Variants in RBFOX1 observed in about 807,000 individuals in gnomAD.
The protein encoded by RBFOX1 is RNA binding protein fox-1 homolog 1.
In RBFOX1, 8 loss-of-function variants were observed where a neutral mutation model predicts 57.7. The ratio of observed to expected loss-of-function variants is 0.14; its 90% CI spans 0.08 to 0.25. The LOEUF is 0.25. RBFOX1 is among the 10% of genes least tolerant of loss of function. The pLI, the probability that RBFOX1 is intolerant of heterozygous loss-of-function variation, is 1.00. For missense variants in RBFOX1, 611 were observed against 548.5 expected (o/e 1.11, Z -1.14); for synonymous variants, 326 against 222.4 (o/e 1.47, Z -4.15).
chr16:5,650,674 C>T (rs996539526), intron 3 of RBFOX1, among the ~76,000 whole-genome samples: 1 of 152,086 alleles, frequency 6.6e-6, no homozygotes, highest in Non-Finnish European at 1.5e-5. Context: ...CTTCATTTAA[C>T]AGGGGTTACC....
intron 3 of RBFOX1, among the ~76,000 whole-genome samples, chr16:6,957,534 C>T (rs1271463294): frequency 1.3e-5 from 2 of 152,060 alleles, no homozygotes; most frequent in Non-Finnish European, 2.9e-5. Flanking sequence ...GGGAGTGTAG[C>T]AGTGGGGACG....
At chr16:7,298,182 T>C (rs534915587) in intron 4 of RBFOX1, among the ~76,000 whole-genome samples, 15 of 152,228 alleles carry the variant, frequency 9.9e-5, no homozygotes, top group Non-Finnish European at 2.1e-4. Context: ...ATTTATCCCC[T>C]GTTTCCCCTA....
intron 3 of RBFOX1, among the ~76,000 whole-genome samples, chr16:6,962,665 G>C (rs1014895993): frequency 1.3e-5 from 2 of 152,082 alleles, no homozygotes; most frequent in African/African-American, 4.8e-5. Flanking sequence ...AGGAGTTCAA[G>C]ACCAGCCTGA....
chr16:5,244,364 A>C (rs1396925046), intron 1 of RBFOX1, among the ~76,000 whole-genome samples: 1 of 152,152 alleles, frequency 6.6e-6, no homozygotes, highest in Non-Finnish European at 1.5e-5. Context: ...GGCTTTCTGC[A>C]CAAGACTTGC....
chr16:6,479,039 A>G (rs1048077525), intron 2 of RBFOX1, among the ~76,000 whole-genome samples: 1 of 152,214 alleles, frequency 6.6e-6, no homozygotes, highest in African/African-American at 2.4e-5. Flanking sequence ...ACAAAATGCA[A>G]TATCTGCAAA....
At chr16:6,661,322 G>C (rs933494840) in intron 3 of RBFOX1, among the ~76,000 whole-genome samples, 15 of 152,190 alleles carry the variant, frequency 9.9e-5, no homozygotes, top group African/African-American at 3.6e-4. Flanking sequence ...GGCCCTCCTG[G>C]CAGAGGGAAC....
chr16:6,409,706 T>G lies in RBFOX1; in HGVS notation c.-64+92649T>G, dbSNP rs563408523. Among the ~76,000 whole-genome samples, 10 of 152,254 alleles carry G rather than the reference T, an allele frequency of 6.6e-5. 1 individual carries two copies. The highest frequency in any genetic ancestry group is 2.2e-4 in the African/African-American group (9 of 41,540). On this transcript the variant is annotated intron_variant, in intron 2 of 15. Transcript: ENST00000550418. ...AGGGGAAAAAGGTTTCGGCTAAAATTTATCCAGCTGCAAACCACTGTCTTA... is the reference window on the plus strand; with the variant it reads ...AGGGGAAAAAGGTTTCGGCTAAAATGTATCCAGCTGCAAACCACTGTCTTA...
chr16:6,178,177 CTTTTTTTTTTTTTTT>C (rs34382826), intron 1 of RBFOX1, among the ~76,000 whole-genome samples: 1 of 69,616 alleles, frequency 1.4e-5, no homozygotes, highest in Admixed American at 2.2e-4. Flanking sequence ...AAAGGTCACT[CTTTTTTTTTTTTTTT>C]TTTTTTTTTT....
In RBFOX1 at chr16:5,599,308, C is replaced by T. The variant is rs536135221; in HGVS notation, c.*59C>T. ...GTGACGGCCCCAGGTTGTGGGAGCA[C>T]GTGAAAGAAGTCGAATGTCATTGGG... On this transcript the variant is annotated 3_prime_UTR_variant, in exon 3 of 3. Transcript: ENST00000585867. The T allele has an allele frequency of 7.4e-5, 46 of 622,790 alleles. 1 individual carries two copies. The highest frequency in any genetic ancestry group is 5.2e-4 in the African/African-American group (28 of 54,276). The allele number at this position is 622,790 out of a possible 1,614,324, so 38.6% of individuals were successfully genotyped here.
At chr16:7,075,480 T>A (rs984343035) in intron 4 of RBFOX1, among the ~76,000 whole-genome samples, 1 of 152,196 alleles carries the variant, frequency 6.6e-6, no homozygotes, top group African/African-American at 2.4e-5. Flanking sequence ...TACAGAAATA[T>A]CTAGATTTTT....
intron 1 of RBFOX1, among the ~76,000 whole-genome samples, chr16:6,277,767 C>T (rs773129609): frequency 2.6e-5 from 4 of 151,638 alleles, no homozygotes; most frequent in African/African-American, 7.3e-5. Context: ...ATTTAATGTG[C>T]GGTACAGAGA....
intron 1 of RBFOX1, among the ~76,000 whole-genome samples, chr16:6,028,509 T>A (rs1443077512): frequency 9.6e-6 from 1 of 104,520 alleles, no homozygotes; most frequent in Admixed American, 1.2e-4. Flanking sequence ...CTGTCTCTGT[T>A]AAAAAAAAAA....
At chr16:5,568,726 C>T (rs1306143510) in intron 2 of RBFOX1, among the ~76,000 whole-genome samples, 2 of 152,166 alleles carry the variant, frequency 1.3e-5, no homozygotes, top group African/African-American at 2.4e-5. Flanking sequence ...AGATTTGCCC[C>T]ACGATGGTCT....
At chr16:6,445,881 A>G (rs767619446) in intron 2 of RBFOX1, among the ~76,000 whole-genome samples, 1 of 152,074 alleles carries the variant, frequency 6.6e-6, no homozygotes, top group Admixed American at 6.6e-5. Flanking sequence ...GCGCCCGGCC[A>G]TCTCTGAACT....
chr16:6,094,162 C>G (rs1182524279), intron 1 of RBFOX1, among the ~76,000 whole-genome samples: 3 of 152,130 alleles, frequency 2.0e-5, no homozygotes, highest in African/African-American at 7.2e-5. Flanking sequence ...GTCCCAAGGA[C>G]TCATCTGTGT....
At chr16:5,346,482 A>G (rs2065142462) in intron 1 of RBFOX1, among the ~76,000 whole-genome samples, 2 of 152,196 alleles carry the variant, frequency 1.3e-5, no homozygotes, top group South Asian at 2.1e-4. Context: ...GATGAGAAGG[A>G]GAGGGTGCTT....
intron 2 of RBFOX1, among the ~76,000 whole-genome samples, chr16:5,521,810 T>G (rs1179855371): frequency 6.6e-6 from 1 of 152,210 alleles, no homozygotes; most frequent in Non-Finnish European, 1.5e-5. Flanking sequence ...CTCCAACATG[T>G]CTCTCACCCC....
intron 4 of RBFOX1, among the ~76,000 whole-genome samples, chr16:5,994,225 A>G (rs1338178257): frequency 6.6e-6 from 1 of 152,200 alleles, no homozygotes; most frequent in Non-Finnish European, 1.5e-5. Flanking sequence ...ACAGTGGTGC[A>G]ATCTTGGCTC....
At chr16:6,933,367 G>A (rs968463276) in intron 3 of RBFOX1, among the ~76,000 whole-genome samples, 1 of 152,202 alleles carries the variant, frequency 6.6e-6, no homozygotes, top group Non-Finnish European at 1.5e-5. Context: ...AGTGCACAAG[G>A]GTTCCAATCT....
Sources: allele counts gnomAD v4.1 joint callset (sites outside exome capture counted in the v4.1 genomes callset), GRCh38; gene constraint gnomAD v4.1.1; transcripts MANE v1.5; gene names NCBI Gene and HGNC (gene_info 2026-07-23, HGNC 2026-07-21).